IST1: variants seen among roughly 807,000 people sequenced by gnomAD.
IST1 encodes the protein IST1 homolog.
Under a neutral mutation model 37.0 loss-of-function variants are expected in IST1, and 23 were observed. The observed-to-expected ratio is 0.62, with a 90% confidence interval of 0.45 to 0.88. The LOEUF (loss-of-function observed/expected upper bound fraction) is 0.88, where lower values mean the gene tolerates loss of function less well. IST1 is among the 40% of genes least tolerant of loss of function. The probability of loss-of-function intolerance (pLI) is 0.00; values close to 1 mark genes in which losing one functional copy is unlikely to be tolerated. For synonymous variants in IST1, 180 were observed against 161.7 expected, an observed-to-expected ratio of 1.11 and a Z score of -0.86; for missense variants, 488 against 445.4, an observed-to-expected ratio of 1.10 and a Z score of -0.86.
chr16:71,904,310 A>G (rs1363287002), intron 1 of IST1, among the ~76,000 whole-genome samples: 1 of 152,040 alleles, frequency 6.6e-6, no homozygotes, highest in Non-Finnish European at 1.5e-5. Context: ...TTTAGTAGAG[A>G]TGGGGTTTCG....
chr16:71,924,205 C>T lies in IST1; in HGVS notation c.853-564C>T, dbSNP rs114969433. The stretch of plus-strand genomic sequence containing the variant: ...GAAAATCTTCATCAGTATTTGAGGA[C>T]TTGGTTCTTAAGATATATTCAAGAA... On this transcript the variant is annotated intron_variant, in intron 8 of 9. Transcript: ENST00000378799. 2,245 of 455,614 alleles carry T rather than the reference C, an allele frequency of 4.9e-3. 33 individuals carry two copies. The highest frequency in any genetic ancestry group is 0.036 in the African/African-American group (1,828 of 50,114). 28.2% of individuals were successfully genotyped at this position (455,614 alleles called of 1,614,324 possible).
At position 71,930,018 on chromosome 16, in the gene IST1, T is replaced by TAAC; in HGVS notation, c.*2207_*2209dup. 1.3e-6 allele frequency: 2 copies of TAAC among 1,535,624 alleles called. No individual in the cohort carries two copies. Among genetic ancestry groups the TAAC allele is most frequent in the African/African-American group, 1.4e-5 (1 of 72,360 alleles). Reference sequence around the variant, plus strand: ...TTACAGTGGAGCTTTCCCAGTGATATAACAGCATGCTAGTTTATCTTTTAG... The same window carrying TAAC: ...TTACAGTGGAGCTTTCCCAGTGATATAACAACAGCATGCTAGTTTATCTTTTAG... On this transcript the variant is annotated 3_prime_UTR_variant, in exon 10 of 10. Coordinates refer to ENST00000378799, the MANE Select transcript of IST1 (RefSeq NM_001270975.2).
intron 1 of IST1, among the ~76,000 whole-genome samples, chr16:71,899,502 T>C (rs935669669): frequency 6.6e-6 from 1 of 152,228 alleles, no homozygotes; most frequent in Non-Finnish European, 1.5e-5. Flanking sequence ...GTTTCTACTC[T>C]AACATCACAT....
Position 71,930,874 on chromosome 16 carries a change from C to G in IST1, c.*3061C>G, listed in dbSNP as rs1272398475. ...CACTAGGGCACTGTTTAAAAATATC[C>G]CAACAGAGGGGTTGATTACAGTCAA... is the stretch of plus-strand genomic sequence containing the variant. On this transcript the variant is annotated 3_prime_UTR_variant, in exon 10 of 10. Coordinates refer to ENST00000378799, the MANE Select transcript of IST1 (RefSeq NM_001270975.2). 1 of 152,094 alleles carries G rather than the reference C, an allele frequency of 6.6e-6. No individual in the cohort carries two copies. Among genetic ancestry groups the G allele is most frequent in the Non-Finnish European group, 1.5e-5 (1 of 68,022 alleles). The allele number at this position is 152,094 out of a possible 1,614,324, so 9.4% of individuals were successfully genotyped here.
rs980020040 is a variant in IST1, at chr16:71,924,127, G to C, written c.853-642G>C. 17 of 455,820 alleles carry C rather than the reference G, an allele frequency of 3.7e-5. No homozygotes were observed. The Admixed American group carries it at 3.8e-4, about 10-fold the overall frequency. The allele number at this position is 455,820 out of a possible 1,614,324, so 28.2% of individuals were successfully genotyped here. On this transcript the variant is annotated intron_variant, in intron 8 of 9. Transcript: ENST00000378799. ...TACCTTGGGCCTGAGTTTTTCTTAT[G>C]CTTTGGTTTTGCATGCGTCACATAA...
At chr16:71,897,300 C>T (rs757427495) in intron 1 of IST1, among the ~76,000 whole-genome samples, 4 of 152,002 alleles carry the variant, frequency 2.6e-5, no homozygotes, top group Admixed American at 1.3e-4. Flanking sequence ...TTTTGAATCC[C>T]CAGTGTTAGT....
At chr16:71,920,089 C>T (rs1285724993) in intron 4 of IST1, among the ~76,000 whole-genome samples, 1 of 152,114 alleles carries the variant, frequency 6.6e-6, no homozygotes, top group African/African-American at 2.4e-5. Context: ...GGGCTACACC[C>T]GTTTGGCTAA....
At chr16:71,922,418 T>TG (rs1490546847) in intron 6 of IST1, 56 bp from the exon 7 acceptor site, 2 of 1,467,996 alleles carry the variant, frequency 1.4e-6, no homozygotes, top group African/African-American at 2.8e-5. Flanking sequence ...CTCCGCTTTC[T>TG]GGGGAACCTG....
intron 1 of IST1, among the ~76,000 whole-genome samples, chr16:71,911,757 C>G (rs1402068228): frequency 6.8e-6 from 1 of 146,322 alleles, no homozygotes; most frequent in East Asian, 2.0e-4. Context: ...TGCTCTGTTG[C>G]CCAGGCTGGA....
chr16:71,923,567 C>G (rs1000108891), intron 8 of IST1, 187 bp downstream of exon 8: 13 of 441,370 alleles, frequency 2.9e-5, no homozygotes, highest in African/African-American at 1.9e-4. Flanking sequence ...ATGGCAGTAT[C>G]ATTGGTGGCA....
chr16:71,921,131 C>G, intron 5 of IST1: 1 of 596,860 alleles, frequency 1.7e-6, no homozygotes, highest in Non-Finnish European at 3.0e-6. Context: ...TCATCTTTTG[C>G]CAGCATCTGG....
intron 1 of IST1, among the ~76,000 whole-genome samples, chr16:71,897,172 C>CTTTTT (rs35671031): frequency 1.5e-5 from 1 of 65,512 alleles, no homozygotes; most frequent in Non-Finnish European, 2.8e-5. Flanking sequence ...CCACGCCTGG[C>CTTTTT]TTTTTTTTTT....
At chr16:71,905,444 T>C (rs972655142) in intron 1 of IST1, among the ~76,000 whole-genome samples, 10 of 151,614 alleles carry the variant, frequency 6.6e-5, no homozygotes, top group Non-Finnish European at 1.0e-4. Context: ...GATGGCACCA[T>C]GTCAGCTCAC....
Position 71,916,500 on chromosome 16 carries a change from T to C in IST1, c.127T>C (p.Tyr43His), listed in dbSNP as rs1294531595. 1 of 1,613,084 alleles carries C rather than the reference T, an allele frequency of 6.2e-7. No homozygotes were observed. Among genetic ancestry groups the C allele is most frequent in the Non-Finnish European group, 8.5e-7 (1 of 1,179,866 alleles). The change falls in exon 3 of 10, where the codon TAT (tyrosine) becomes CAT (histidine). Residue 43 changes from tyrosine to histidine, a missense_variant. By Grantham distance (83) the Tyr-to-His change is moderately conservative. Transcript: ENST00000378799. ...AQKARKEIAD[Y>H]LAAGKDERAR... ...GAAAGCAAGGAAGGAGATTGCTGAC[T>C]ATCTGGCTGCTGGGAAAGATGAACG... is the stretch of plus-strand genomic sequence containing the variant.
At chr16:71,899,350 G>C (rs574307921) in intron 1 of IST1, among the ~76,000 whole-genome samples, 13 of 151,984 alleles carry the variant, frequency 8.6e-5, no homozygotes, top group African/African-American at 3.1e-4. Context: ...AGGTTGAGGC[G>C]GGAGGATTGC....
chr16:71,923,238 G>C, intron 7 of IST1, 50 bp from the exon 8 acceptor site: 1 of 1,071,228 alleles, frequency 9.3e-7, no homozygotes, highest in East Asian at 2.4e-5. Flanking sequence ...AAACCTTCGA[G>C]ATTGCAAACT....
rs777547556 is a variant in IST1 at position 71,922,648 on chromosome 16, A to G, written c.727A>G (p.Thr243Ala). Residue 243 changes from threonine (T) to alanine (A), a missense_variant, in exon 7 of 10, where the codon ACG becomes GCG. Coordinates refer to ENST00000378799, the MANE Select transcript of IST1 (RefSeq NM_001270975.2). ...PMPMPMPSANTPFSYPLPKGP... is the reference protein window; with the variant it reads ...PMPMPMPSANAPFSYPLPKGP... The stretch of plus-strand genomic sequence containing the variant: ...GCCCATGCCTATGCCATCTGCAAAT[A>G]CGCCTTTCTCATATCCACTGCCAAA... 1 of 1,613,400 alleles carries G rather than the reference A, an allele frequency of 6.2e-7. No individual in the cohort carries two copies. Among genetic ancestry groups the G allele is most frequent in the Non-Finnish European group, 8.5e-7 (1 of 1,179,834 alleles).
At chr16:71,909,762 A>G (rs917534091) in intron 1 of IST1, among the ~76,000 whole-genome samples, 1 of 152,216 alleles carries the variant, frequency 6.6e-6, no homozygotes, top group African/African-American at 2.4e-5. Context: ...GCCTTAGGTT[A>G]TCCTTCTCTT....
chr16:71,920,664 C>T, intron 4 of IST1, 75 bp from the exon 5 acceptor site: 1 of 1,026,496 alleles, frequency 9.7e-7, no homozygotes, highest in Non-Finnish European at 1.5e-6. Flanking sequence ...CGCGTGTTTA[C>T]TGTTGCCAGG....
Sources: allele counts gnomAD v4.1 joint callset (sites outside exome capture counted in the v4.1 genomes callset), GRCh38; gene constraint gnomAD v4.1.1; transcripts MANE v1.5; gene names NCBI Gene and HGNC (gene_info 2026-07-23, HGNC 2026-07-21).